The following SNTB1 variants were observed in gnomAD, a reference collection of about 807,000 sequenced individuals.
SNTB1 encodes syntrophin beta 1, also known as beta-1-syntrophin.
Under a neutral mutation model 48.9 loss-of-function variants are expected in SNTB1, and 36 were observed. That is an observed-to-expected ratio of 0.74 (90% CI 0.56 to 0.97). The LOEUF (loss-of-function observed/expected upper bound fraction) is 0.97. Among genes scored for constraint, SNTB1 ranks in the 50% least tolerant of loss-of-function variants. SNTB1 has a pLI of 0.00. For missense variants in SNTB1, 786 were observed against 703.4 expected (o/e 1.12, Z -1.33); for synonymous variants, 299 against 294.6 (o/e 1.01, Z -0.15).
Position 120,576,725 on chromosome 8 carries a change from G to T in SNTB1, c.997-1500C>A, listed in dbSNP as rs527281862. The stretch of plus-strand genomic sequence containing the variant: ...TACTAGCTGTGGGGGTCTTGGGCAA[G>T]TCAACTAATTTCTTTGTATCTCAGT... On this transcript the variant is annotated intron_variant, in intron 3 of 6. Transcript: ENST00000517992. Among the ~76,000 whole-genome samples, 381 of 152,288 alleles carry T rather than the reference G, an allele frequency of 2.5e-3. 1 individual carries two copies. The highest frequency in any genetic ancestry group is 4.5e-3 in the Non-Finnish European group (303 of 68,042).
intron 2 of SNTB1, among the ~76,000 whole-genome samples, chr8:120,648,822 G>A (rs1817351493): frequency 6.6e-6 from 1 of 152,082 alleles, no homozygotes; most frequent in Non-Finnish European, 1.5e-5. Context: ...TGTAGATTTG[G>A]TCTTTTCAAA....
At chr8:120,563,416 G>A (rs1274412578) in intron 4 of SNTB1, among the ~76,000 whole-genome samples, 7 of 151,932 alleles carry the variant, frequency 4.6e-5, no homozygotes, top group African/African-American at 1.7e-4. Context: ...CAAACTTCCT[G>A]AGCGCACTGC....
chr8:120,688,515 C>T (rs537713375), intron 2 of SNTB1, among the ~76,000 whole-genome samples: 21 of 152,116 alleles, frequency 1.4e-4, no homozygotes, highest in South Asian at 8.3e-4. Context: ...TCTCAGAGCT[C>T]AAAAACCTTA....
intron 1 of SNTB1, among the ~76,000 whole-genome samples, chr8:120,694,479 T>C (rs1304444487): frequency 6.6e-6 from 1 of 151,776 alleles, no homozygotes; most frequent in African/African-American, 2.4e-5. Flanking sequence ...TAAATATCCA[T>C]TAAAAAGGAA....
chr8:120,566,299 A>G (rs1162912297), intron 4 of SNTB1, among the ~76,000 whole-genome samples: 1 of 134,802 alleles, frequency 7.4e-6, no homozygotes, highest in East Asian at 2.5e-4. Context: ...ATTGCACTCT[A>G]GCCTGGGCGA....
intron 4 of SNTB1, 46 bp downstream of exon 4, chr8:120,575,039 AG>A: frequency 6.2e-7 from 1 of 1,612,878 alleles, no homozygotes; most frequent in South Asian, 1.1e-5. Flanking sequence ...TTCATTAAAT[AG>A]AATCCACCTG....
In SNTB1 at chr8:120,811,573, C is replaced by A. The variant is rs746584945; in HGVS notation, c.271G>T (p.Val91Phe). 2 of 1,565,174 alleles carry A rather than the reference C, an allele frequency of 1.3e-6. No homozygotes were observed. Among genetic ancestry groups the A allele is most frequent in the South Asian group, 2.3e-5 (2 of 86,174 alleles). ...GAQPPDSPAG[V>F]RTAFTDLPEQ... ...GGCAGGTCGGTGAAAGCGGTGCGGA[C>A]CCCGGCGGGCGAGTCCGGGGGCTGC... The change falls in exon 1 of 7, where the codon GTC (valine) becomes TTC (phenylalanine). Residue 91 changes from valine (V) to phenylalanine (F), a missense_variant. By Grantham distance (50) the Val-to-Phe change is conservative (BLOSUM62 -1). Transcript: ENST00000517992.
chr8:120,745,445 AT>A (rs1563587835), intron 1 of SNTB1, among the ~76,000 whole-genome samples: 1 of 152,086 alleles, frequency 6.6e-6, no homozygotes, highest in Non-Finnish European at 1.5e-5. Flanking sequence ...ACTTCTGAAA[AT>A]TCCAGAAGAG....
intron 1 of SNTB1, chr8:120,765,948 T>C (rs1369260300): frequency 2.0e-5 from 3 of 152,188 alleles, no homozygotes; most frequent in Non-Finnish European, 4.4e-5. Context: ...CTCAGCTTTA[T>C]GTAAGAAAAC....
At chr8:120,783,755 C>T (rs912275117) in intron 1 of SNTB1, among the ~76,000 whole-genome samples, 14 of 152,082 alleles carry the variant, frequency 9.2e-5, no homozygotes, top group Admixed American at 5.2e-4. Context: ...CCTTCCTATC[C>T]GTAGGTTCTG....
rs377492254 is a variant in SNTB1, at chr8:120,803,024, A to C, written c.571+8249T>G. ...AAGAGAAAAAAACAAAAAACAACAAAAAAAAAACTGTGACAGGAAGAAACA... is the reference window on the plus strand; with the variant it reads ...AAGAGAAAAAAACAAAAAACAACAACAAAAAAACTGTGACAGGAAGAAACA... On this transcript the variant is annotated intron_variant, in intron 1 of 6. Coordinates refer to ENST00000517992, the MANE Select transcript of SNTB1 (RefSeq NM_021021.4). Among the ~76,000 whole-genome samples the C allele has an allele frequency of 8.1e-4, 124 of 152,238 alleles. 1 individual carries two copies. Among genetic ancestry groups the C allele is most frequent in the Middle Eastern group, 3.4e-3 (1 of 294 alleles).
intron 2 of SNTB1, among the ~76,000 whole-genome samples, chr8:120,684,153 C>A (rs948009094): frequency 6.6e-6 from 1 of 152,046 alleles, no homozygotes; most frequent in African/African-American, 2.4e-5. Context: ...CACATAGGCA[C>A]CCTTGGGCTC....
intron 2 of SNTB1, among the ~76,000 whole-genome samples, chr8:120,633,484 A>G (rs941104902): frequency 1.3e-5 from 2 of 152,164 alleles, no homozygotes; most frequent in African/African-American, 2.4e-5. Context: ...GGGTGCCTGT[A>G]GCCCCAGCTA....
At chr8:120,550,370 C>T (rs1295402293) in intron 4 of SNTB1, among the ~76,000 whole-genome samples, 3 of 151,722 alleles carry the variant, frequency 2.0e-5, no homozygotes, top group Non-Finnish European at 2.9e-5. Context: ...GCGGAAACCC[C>T]GTCTCTACTA....
chr8:120,772,396 C>A (rs985869994), intron 1 of SNTB1, among the ~76,000 whole-genome samples: 1 of 151,834 alleles, frequency 6.6e-6, no homozygotes, highest in Non-Finnish European at 1.5e-5. Context: ...TAGGTGCGCA[C>A]CACCACACCC....
intron 4 of SNTB1, among the ~76,000 whole-genome samples, chr8:120,559,720 T>C (rs1383434731): frequency 6.6e-6 from 1 of 152,234 alleles, no homozygotes; most frequent in African/African-American, 2.4e-5. Flanking sequence ...AATTTAATTC[T>C]GGAGAAGTAT....
In SNTB1 at chr8:120,727,066, T is replaced by C. The variant is rs1185241329; in HGVS notation, c.572-33158A>G. Among the ~76,000 whole-genome samples, 3 of 152,058 alleles carry C rather than the reference T, an allele frequency of 2.0e-5. No homozygotes were observed. The East Asian group carries it at 5.8e-4, about 29-fold the overall frequency. On this transcript the variant is annotated intron_variant, in intron 1 of 6. Coordinates refer to ENST00000517992, the MANE Select transcript of SNTB1 (RefSeq NM_021021.4). Reference sequence around the variant, plus strand: ...AGGCAAGGATGTTCTCCAGGATAGGTTGGTTGGGAGACAGAAGTAAGAGAA... The same window carrying C: ...AGGCAAGGATGTTCTCCAGGATAGGCTGGTTGGGAGACAGAAGTAAGAGAA...
chr8:120,710,894 G>A (rs1818451623), intron 1 of SNTB1, among the ~76,000 whole-genome samples: 2 of 152,222 alleles, frequency 1.3e-5, no homozygotes, highest in African/African-American at 2.4e-5. Flanking sequence ...AATATTAAAG[G>A]ATATTTAACA....
chr8:120,693,000 G>A (rs966835348), intron 2 of SNTB1, among the ~76,000 whole-genome samples: 3 of 152,136 alleles, frequency 2.0e-5, no homozygotes, highest in African/African-American at 7.2e-5. Flanking sequence ...ACTGGCATCT[G>A]CTTCTGATGA....
Sources: allele counts gnomAD v4.1 joint callset (sites outside exome capture counted in the v4.1 genomes callset), GRCh38; gene constraint gnomAD v4.1.1; transcripts MANE v1.5; gene names NCBI Gene and HGNC (gene_info 2026-07-23, HGNC 2026-07-21).